OLFM3: variants seen among roughly 807,000 people sequenced by gnomAD.
OLFM3 encodes the protein olfactomedin 3.
In OLFM3, 20 loss-of-function variants were observed where a neutral mutation model predicts 48.6. That is an observed-to-expected ratio of 0.41 (90% CI 0.29 to 0.60). OLFM3 has a LOEUF of 0.60. Among genes scored for constraint, OLFM3 ranks in the 20% least tolerant of loss-of-function variants. The probability of loss-of-function intolerance (pLI) is 0.28; values close to 1 mark genes in which losing one functional copy is unlikely to be tolerated. For synonymous variants in OLFM3, 222 were observed against 198.1 expected (o/e 1.12, Z -1.01); for missense variants, 437 against 544.3 (o/e 0.80, Z 1.96).
At chr1:101,807,695 A>T (rs1248038193) in intron 4 of OLFM3, among the ~76,000 whole-genome samples, 1 of 151,806 alleles carries the variant, frequency 6.6e-6, no homozygotes, top group Admixed American at 6.6e-5. Flanking sequence ...ATTTCATAAA[A>T]CTTGAATCGA....
intron 1 of OLFM3, among the ~76,000 whole-genome samples, chr1:101,901,733 T>C (rs960134890): frequency 2.6e-5 from 4 of 152,038 alleles, no homozygotes; most frequent in African/African-American, 9.7e-5. Context: ...ATGGGGCAAT[T>C]GCAAAGGATG....
intron 1 of OLFM3, among the ~76,000 whole-genome samples, chr1:101,986,035 G>C (rs1434003083): frequency 6.7e-6 from 1 of 148,794 alleles, no homozygotes; most frequent in East Asian, 2.0e-4. Flanking sequence ...GCGCGATCTC[G>C]GCTCACTGCA....
chr1:101,806,682 T>A (rs1224661337), intron 4 of OLFM3, among the ~76,000 whole-genome samples: 1 of 151,586 alleles, frequency 6.6e-6, no homozygotes, highest in Non-Finnish European at 1.5e-5. Context: ...AACTTTACAG[T>A]CTATAAGAAT....
intron 1 of OLFM3, among the ~76,000 whole-genome samples, chr1:101,857,540 C>G (rs994105349): frequency 2.0e-5 from 3 of 151,734 alleles, no homozygotes; most frequent in Admixed American, 6.6e-5. Context: ...ATTTACCATA[C>G]TGAAAATGGA....
chr1:101,896,760 G>A (rs1658223214), intron 1 of OLFM3, among the ~76,000 whole-genome samples: 2 of 147,012 alleles, frequency 1.4e-5, no homozygotes, highest in African/African-American at 5.0e-5. Flanking sequence ...TCGGCCTCCT[G>A]CTTATACACT....
At position 101,840,621 on chromosome 1, in the gene OLFM3, C is replaced by T. The variant is rs548950028; in HGVS notation, c.70-3596G>A. On this transcript the variant is annotated intron_variant, in intron 1 of 5. Coordinates refer to ENST00000370103, the MANE Select transcript of OLFM3 (RefSeq NM_058170.4). The stretch of plus-strand genomic sequence containing the variant: ...GAGTAGCTGAGACTGTAGGCACACA[C>T]AATCACGCCCAGTTAATTTTTGTAT... 4.6e-5 allele frequency among the ~76,000 whole-genome samples: 7 copies of T among 152,236 alleles called. No individual in the cohort carries two copies. The South Asian group carries it at 1.0e-3, about 23-fold the overall frequency.
chr1:101,974,788 G>A (rs1660904179), intron 1 of OLFM3, among the ~76,000 whole-genome samples: 2 of 152,008 alleles, frequency 1.3e-5, no homozygotes, highest in South Asian at 4.1e-4. Context: ...GTTTGGTCCT[G>A]GGTTCACAAC....
At chr1:101,949,029 TA>T (rs1408385442) in intron 1 of OLFM3, among the ~76,000 whole-genome samples, 7 of 151,624 alleles carry the variant, frequency 4.6e-5, no homozygotes, top group Non-Finnish European at 7.4e-5. Flanking sequence ...ATGTCACATA[TA>T]AAAAAAGTTC....
chr1:101,919,404 G>C (rs549420199), intron 1 of OLFM3, among the ~76,000 whole-genome samples: 4 of 151,954 alleles, frequency 2.6e-5, no homozygotes, highest in Non-Finnish European at 4.4e-5. Flanking sequence ...CGTAATTTTA[G>C]TGAAAGTCAC....
intron 1 of OLFM3, among the ~76,000 whole-genome samples, chr1:101,976,561 G>A (rs530502114): frequency 4.7e-4 from 71 of 152,232 alleles, no homozygotes; most frequent in African/African-American, 1.5e-3. Flanking sequence ...TTTAGATACC[G>A]ACAGAAACTA....
At chr1:101,938,383 T>TC (rs1401016824) in intron 1 of OLFM3, among the ~76,000 whole-genome samples, 1 of 152,204 alleles carries the variant, frequency 6.6e-6, no homozygotes, top group Non-Finnish European at 1.5e-5. Flanking sequence ...TGGGGGATAC[T>TC]CCAAGTTTTT....
intron 1 of OLFM3, among the ~76,000 whole-genome samples, chr1:101,904,749 T>C (rs1262841899): frequency 6.6e-6 from 1 of 152,036 alleles, no homozygotes; most frequent in African/African-American, 2.4e-5. Context: ...AATAACTTTC[T>C]CCCTATCACT....
At position 101,857,513 on chromosome 1, in the gene OLFM3, G is replaced by A. The variant is rs529433457; in HGVS notation, c.70-20488C>T. 7.9e-5 allele frequency among the ~76,000 whole-genome samples: 12 copies of A among 151,858 alleles called. No homozygotes were observed. The East Asian group carries it at 1.2e-3, about 15-fold the overall frequency. Reference sequence around the variant, plus strand: ...ATATACATTATATAAACATTGTAACGTGAGGAGTGTTAATATATTTACCAT... The same window carrying A: ...ATATACATTATATAAACATTGTAACATGAGGAGTGTTAATATATTTACCAT... On this transcript the variant is annotated intron_variant, in intron 1 of 5. Transcript: ENST00000370103.
chr1:101,928,159 T>A (rs1344483122), intron 1 of OLFM3, among the ~76,000 whole-genome samples: 3 of 152,088 alleles, frequency 2.0e-5, no homozygotes, highest in Non-Finnish European at 4.4e-5. Flanking sequence ...AGAGACCACA[T>A]GAAATCTTTC....
chr1:101,973,317 G>A (rs888236423), intron 1 of OLFM3, among the ~76,000 whole-genome samples: 4 of 152,200 alleles, frequency 2.6e-5, no homozygotes, highest in African/African-American at 7.2e-5. Flanking sequence ...CATGTCCAAT[G>A]TCTGAGGCAG....
At chr1:101,883,731 T>C (rs1465293322) in intron 1 of OLFM3, among the ~76,000 whole-genome samples, 1 of 152,030 alleles carries the variant, frequency 6.6e-6, no homozygotes, top group Non-Finnish European at 1.5e-5. Flanking sequence ...ATAATTATTA[T>C]ATCTACTTAC....
chr1:101,866,025 G>A (rs974463817), intron 1 of OLFM3, among the ~76,000 whole-genome samples: 7 of 152,078 alleles, frequency 4.6e-5, no homozygotes, highest in African/African-American at 1.7e-4. Context: ...AGAGAAAACA[G>A]CAATCATATT....
chr1:101,996,448 G>C (rs550159480), intron 1 of OLFM3, among the ~76,000 whole-genome samples: 2 of 152,258 alleles, frequency 1.3e-5, no homozygotes, highest in Admixed American at 1.3e-4. Flanking sequence ...CTTCAAAAGA[G>C]AGCATTAAGC....
intron 1 of OLFM3, among the ~76,000 whole-genome samples, chr1:101,916,634 G>A (rs1658935753): frequency 6.6e-6 from 1 of 152,144 alleles, no homozygotes; most frequent in African/African-American, 2.4e-5. Flanking sequence ...GCTAAGGACA[G>A]TATTTTAATC....
Sources: gnomAD v4.1 joint callset for allele counts (sites outside exome capture counted in the v4.1 genomes callset) on GRCh38, gnomAD v4.1.1 for gene constraint, MANE v1.5 for transcripts, NCBI Gene and HGNC (gene_info 2026-07-23, HGNC 2026-07-21) for gene names.